The following UBAP1 variants were observed in gnomAD, a reference collection of about 807,000 sequenced individuals.
UBAP1 encodes the protein ubiquitin associated protein 1.
A neutral mutation model predicts 39.0 loss-of-function variants in UBAP1; 5 were observed. The ratio of observed to expected loss-of-function variants is 0.13; its 90% CI spans 0.07 to 0.27. The LOEUF (loss-of-function observed/expected upper bound fraction) is 0.27, where lower values mean the gene tolerates loss of function less well. UBAP1 is among the 10% of genes least tolerant of loss of function. The probability of loss-of-function intolerance (pLI) is 1.00; values close to 1 mark genes in which losing one functional copy is unlikely to be tolerated. For synonymous variants in UBAP1, 211 were observed against 225.1 expected (o/e 0.94, Z 0.56); for missense variants, 490 against 608.1 (o/e 0.81, Z 2.04).
At chr9:34,182,681 T>TTCTTTCTTTCTCTCTCTCTCTC (rs1491429494) in intron 1 of UBAP1, among the ~76,000 whole-genome samples, 2 of 115,596 alleles carry the variant, frequency 1.7e-5, no homozygotes, top group South Asian at 3.1e-4. Context: ...CTTTCTTTCT[T>TTCTTTCTTTCTCTCTCTCTCTC]TCTCTCTCTC....
chr9:34,200,184 A>G (rs1288011552), intron 1 of UBAP1, among the ~76,000 whole-genome samples: 1 of 152,190 alleles, frequency 6.6e-6, no homozygotes, highest in Non-Finnish European at 1.5e-5. Context: ...TACCTGAGGT[A>G]AAGTACCTGT....
At chr9:34,184,397 C>T (rs1169671676) in intron 1 of UBAP1, among the ~76,000 whole-genome samples, 3 of 150,834 alleles carry the variant, frequency 2.0e-5, no homozygotes, top group African/African-American at 4.9e-5. Flanking sequence ...TTTGGGAGGC[C>T]GAGGCGGGCG....
intron 4 of UBAP1, among the ~76,000 whole-genome samples, chr9:34,246,082 T>G (rs956519264): frequency 2.6e-5 from 4 of 152,326 alleles, no homozygotes; most frequent in African/African-American, 9.6e-5. Context: ...TTTTAATTCT[T>G]TATTTTTAAA....
chr9:34,215,278 T>C (rs564510259), intron 1 of UBAP1, among the ~76,000 whole-genome samples: 2 of 151,394 alleles, frequency 1.3e-5, no homozygotes, highest in South Asian at 4.2e-4. Flanking sequence ...TATATGATAG[T>C]GTGTGTGTGT....
intron 1 of UBAP1, among the ~76,000 whole-genome samples, chr9:34,218,433 GCTT>G (rs1832470332): frequency 6.6e-6 from 1 of 151,990 alleles, no homozygotes; most frequent in African/African-American, 2.4e-5. Flanking sequence ...AACAACAGTT[GCTT>G]CTTCAAACAG....
At chr9:34,220,807 C>A in intron 1 of UBAP1, 101 bp from the exon 2 acceptor site, 1 of 970,074 alleles carries the variant, frequency 1.0e-6, no homozygotes, top group Admixed American at 2.2e-5. Flanking sequence ...TTCTGTCAGC[C>A]CTAAAACCTT....
chr9:34,239,620 C>T (rs756267207), intron 3 of UBAP1, among the ~76,000 whole-genome samples: 4 of 152,194 alleles, frequency 2.6e-5, no homozygotes, highest in Non-Finnish European at 5.9e-5. Context: ...TTTAGAACAT[C>T]CTCTGGTGTC....
chr9:34,244,423 A>AT (rs1280344569), intron 4 of UBAP1, among the ~76,000 whole-genome samples: 1 of 111,870 alleles, frequency 8.9e-6, no homozygotes. Context: ...CGAGCACCAC[A>AT]TTTTTTTAAT....
chr9:34,194,445 G>A (rs985863709), intron 1 of UBAP1, among the ~76,000 whole-genome samples: 1 of 151,906 alleles, frequency 6.6e-6, no homozygotes, highest in African/African-American at 2.4e-5. Context: ...CTCCTCAGCA[G>A]CTGGGACCAC....
chr9:34,193,487 T>C (rs1293176502), intron 1 of UBAP1, among the ~76,000 whole-genome samples: 1 of 151,988 alleles, frequency 6.6e-6, no homozygotes, highest in East Asian at 1.9e-4. Flanking sequence ...CCAATTCAGG[T>C]TGGGGGCTCA....
intron 1 of UBAP1, among the ~76,000 whole-genome samples, chr9:34,210,179 T>G (rs1359404617): frequency 1.3e-5 from 2 of 152,208 alleles, no homozygotes; most frequent in Non-Finnish European, 2.9e-5. Context: ...ATCAGGGTAC[T>G]GTGACCTCTT....
At chr9:34,187,730 G>A (rs992419004) in intron 1 of UBAP1, among the ~76,000 whole-genome samples, 5 of 150,896 alleles carry the variant, frequency 3.3e-5, no homozygotes, top group East Asian at 3.9e-4. Flanking sequence ...AACTCTGTCC[G>A]GTTCCTTGGA....
intron 1 of UBAP1, among the ~76,000 whole-genome samples, chr9:34,189,817 G>C (rs1048086993): frequency 6.6e-6 from 1 of 151,588 alleles, no homozygotes; most frequent in African/African-American, 2.4e-5. Flanking sequence ...TGTATTTTTA[G>C]TAGAGACGGT....
At chr9:34,233,080 G>T (rs563396325) in intron 2 of UBAP1, among the ~76,000 whole-genome samples, 2 of 152,184 alleles carry the variant, frequency 1.3e-5, no homozygotes, top group South Asian at 4.1e-4. Flanking sequence ...GCTCCATTGT[G>T]TATGGCTTGT....
chr9:34,202,684 T>C (rs1831464761), intron 1 of UBAP1, among the ~76,000 whole-genome samples: 1 of 143,836 alleles, frequency 7.0e-6, no homozygotes, highest in Admixed American at 7.0e-5. Flanking sequence ...TGTGTCCCCG[T>C]CCCCGTATAT....
In UBAP1 at chr9:34,192,399, C is replaced by T. The variant is rs546333331; in HGVS notation, c.-8+13159C>T. Among the ~76,000 whole-genome samples, 14 of 151,638 alleles carry T rather than the reference C, an allele frequency of 9.2e-5. No homozygotes were observed. In the South Asian group the frequency reaches 1.2e-3, roughly 14 times the overall value. On this transcript the variant is annotated intron_variant, in intron 1 of 6. Coordinates refer to ENST00000297661, the MANE Select transcript of UBAP1 (RefSeq NM_016525.5). ...GTATGGTGGCGCACGCCTGTGATCCCAGCTACTCAGGAGGCTGAGACAGGA... is the reference window on the plus strand; with the variant it reads ...GTATGGTGGCGCACGCCTGTGATCCTAGCTACTCAGGAGGCTGAGACAGGA...
chr9:34,232,244 C>A (rs1587864907), intron 2 of UBAP1, among the ~76,000 whole-genome samples: 1 of 152,174 alleles, frequency 6.6e-6, no homozygotes, highest in South Asian at 2.1e-4. Flanking sequence ...ATCCACCTGC[C>A]TTGGCCTCCC....
At chr9:34,231,892 A>G (rs993485340) in intron 2 of UBAP1, among the ~76,000 whole-genome samples, 3 of 151,642 alleles carry the variant, frequency 2.0e-5, no homozygotes, top group Admixed American at 2.0e-4. Context: ...CAGCCTCCCA[A>G]AGTGCTGGGA....
At chr9:34,184,773 G>A (rs1225166745) in intron 1 of UBAP1, among the ~76,000 whole-genome samples, 1 of 150,134 alleles carries the variant, frequency 6.7e-6, no homozygotes, top group Non-Finnish European at 1.5e-5. Context: ...CAGATGGTGT[G>A]CCACCATGTC....
Sources: allele counts gnomAD v4.1 joint callset (sites outside exome capture counted in the v4.1 genomes callset), GRCh38; gene constraint gnomAD v4.1.1; transcripts MANE v1.5; gene names NCBI Gene and HGNC (gene_info 2026-07-23, HGNC 2026-07-21).